The following SIAE variants were observed in gnomAD, a reference collection of about 807,000 sequenced individuals.
SIAE encodes sialate O-acetylesterase.
In SIAE, 39 loss-of-function variants were observed where a neutral mutation model predicts 52.6. That is an observed-to-expected ratio of 0.74 (90% CI 0.57 to 0.97). The LOEUF (loss-of-function observed/expected upper bound fraction) is 0.97, where lower values mean the gene tolerates loss of function less well. Among genes scored for constraint, SIAE ranks in the 50% least tolerant of loss-of-function variants. The pLI is 0.00. For missense variants in SIAE, 592 were observed against 662.1 expected, an observed-to-expected ratio of 0.89 and a Z score of 1.16; for synonymous variants, 233 against 241.4, an observed-to-expected ratio of 0.97 and a Z score of 0.32.
At position 124,647,589 on chromosome 11, in the gene SIAE, AG is replaced by A. The variant is rs879827189; in HGVS notation, c.833-92del. 16 of 1,491,652 alleles carry A rather than the reference AG, an allele frequency of 1.1e-5. No individual in the cohort carries two copies. The Admixed American group carries it at 2.4e-4, about 22-fold the overall frequency. 92.4% of individuals were successfully genotyped at this position (1,491,652 alleles called of 1,614,324 possible). ...CCTCCCTCCATCCATGCCCTGAGGT[AG>A]TGGTCTTCCCACGGTCTCTCTGGAC... On this transcript the variant is annotated intron_variant, in intron 6 of 9. Transcript: ENST00000263593.
chr11:124,638,811 T>G, intron 8 of SIAE, 74 bp from the exon 9 acceptor site: 1 of 1,164,512 alleles, frequency 8.6e-7, no homozygotes, highest in Non-Finnish European at 1.3e-6. Flanking sequence ...AAAGGGGGAT[T>G]ATACAAAGCA....
intron 4 of SIAE, among the ~76,000 whole-genome samples, chr11:124,652,197 C>T (rs1372651315): frequency 6.6e-6 from 1 of 152,032 alleles, no homozygotes; most frequent in Non-Finnish European, 1.5e-5. Flanking sequence ...AAATAACAGA[C>T]CCCAAAGACG....
chr11:124,654,737 G>C lies in SIAE; in HGVS notation c.462C>G (p.Ile154Met). 6.2e-7 allele frequency: 1 copy of C among 1,614,090 alleles called. No individual in the cohort carries two copies. The highest frequency in any genetic ancestry group is 2.2e-5 in the East Asian group (1 of 44,872). ...CTGCTTGAATGGGAGAGACAGAGAGGATGCGGACAGACTGATATGCCGCAG... is the reference window on the plus strand; with the variant it reads ...CTGCTTGAATGGGAGAGACAGAGAGCATGCGGACAGACTGATATGCCGCAG... Reference protein sequence around the residue: ...SNTAAYQSVRILSVSPIQAEQ... With the variant: ...SNTAAYQSVRMLSVSPIQAEQ... Residue 154 changes from isoleucine (I) to methionine (M), a missense_variant, in exon 4 of 10, where the codon ATC (isoleucine) becomes ATG (methionine). Physicochemically the swap from Ile to Met is conservative, Grantham distance 10. Transcript: ENST00000263593.
intron 6 of SIAE, 27 bp from the exon 7 acceptor site, chr11:124,647,525 A>G (rs766782225): frequency 2.5e-6 from 4 of 1,613,632 alleles, no homozygotes; most frequent in Middle Eastern, 1.6e-4. Context: ...TTGTAAAGGG[A>G]GTTTGGAGTA....
At chr11:124,649,003 C>T (rs1347695844) in intron 5 of SIAE, among the ~76,000 whole-genome samples, 1 of 152,190 alleles carries the variant, frequency 6.6e-6, no homozygotes, top group Non-Finnish European at 1.5e-5. Context: ...ATGTTAGTAT[C>T]GGGATTTGTA....
chr11:124,675,532 T>C (rs1943451459), upstream of SIAE: 4 of 1,135,374 alleles, frequency 3.5e-6, no homozygotes, highest in Non-Finnish European at 4.9e-6. Context: ...AGGCAGGGAG[T>C]TTCAGATAAC....
At position 124,636,654 on chromosome 11, in the gene SIAE, G is replaced by C. The variant is rs1185926748; in HGVS notation, c.*297C>G. The C allele has an allele frequency of 2.4e-6, 1 of 422,492 alleles. No individual in the cohort carries two copies. The highest frequency in any genetic ancestry group is 4.4e-6 in the Non-Finnish European group (1 of 227,468). 26.2% of individuals were successfully genotyped at this position (422,492 alleles called of 1,614,324 possible). On this transcript the variant is annotated 3_prime_UTR_variant, in exon 10 of 10. Coordinates refer to ENST00000263593, the MANE Select transcript of SIAE (RefSeq NM_170601.5). ...TGGATAAAAAGGGGCAAAAGTATTA[G>C]ACATTTCACTCCCATTAATATGAGG...
intron 2 of SIAE, among the ~76,000 whole-genome samples, chr11:124,666,544 G>C (rs1036295832): frequency 1.3e-5 from 2 of 152,014 alleles, no homozygotes; most frequent in African/African-American, 4.8e-5. Flanking sequence ...CTAATAAATA[G>C]GTCCCCACCA....
chr11:124,637,236 G>A (rs1378710076), intron 9 of SIAE, 34 bp from the exon 10 acceptor site: 1 of 1,613,756 alleles, frequency 6.2e-7, no homozygotes, highest in South Asian at 1.1e-5. Context: ...GAATGATTAG[G>A]TCAGAAGGGT....
intron 2 of SIAE, among the ~76,000 whole-genome samples, chr11:124,668,634 G>A (rs552680537): frequency 3.9e-5 from 6 of 152,288 alleles, no homozygotes; most frequent in South Asian, 4.1e-4. Context: ...GTATCATGAC[G>A]ATCTCCATTT....
In SIAE at chr11:124,633,652, A is replaced by G. The variant is rs1271105369; in HGVS notation, c.*3299T>C. 6.6e-6 allele frequency: 1 copy of G among 152,254 alleles called. No individual in the cohort carries two copies. Among genetic ancestry groups the G allele is most frequent in the Non-Finnish European group, 1.5e-5 (1 of 68,042 alleles). The allele number at this position is 152,254 out of a possible 1,614,324, so 9.4% of individuals were successfully genotyped here. On this transcript the variant is annotated 3_prime_UTR_variant, in exon 10 of 10. Coordinates refer to ENST00000263593, the MANE Select transcript of SIAE (RefSeq NM_170601.5). ...TAACTGGTATTTTATGATTTTGAGT[A>G]TAGTCTTTTTATAAGTTGTATACAC...
chr11:124,668,388 C>T (rs1943301412), intron 2 of SIAE, among the ~76,000 whole-genome samples: 1 of 152,228 alleles, frequency 6.6e-6, no homozygotes, highest in Admixed American at 6.5e-5. Flanking sequence ...TCCTGTCTAA[C>T]CTGCATGCCT....
chr11:124,673,436 G>A (rs1291016573), intron 1 of SIAE, among the ~76,000 whole-genome samples: 1 of 152,208 alleles, frequency 6.6e-6, no homozygotes, highest in African/African-American at 2.4e-5. Flanking sequence ...ATGGTAAGTG[G>A]GGGGTGGAGA....
chr11:124,675,633 A>T, upstream of SIAE: 1 of 464,484 alleles, frequency 2.2e-6, no homozygotes, highest in Non-Finnish European at 3.8e-6. Flanking sequence ...CATTATTCAG[A>T]CCGTCTTCAT....
chr11:124,648,011 G>T, intron 6 of SIAE, 55 bp downstream of exon 6: 2 of 1,328,706 alleles, frequency 1.5e-6, no homozygotes, highest in South Asian at 1.2e-5. Context: ...AGGGTGCTGT[G>T]TTATACAGCA....
intron 8 of SIAE, among the ~76,000 whole-genome samples, 165 bp from the exon 9 acceptor site, chr11:124,638,902 C>T (rs1942798231): frequency 6.6e-6 from 1 of 151,978 alleles, no homozygotes; most frequent in African/African-American, 2.4e-5. Context: ...TGAATGGTAA[C>T]CATAGATGGG....
intron 1 of SIAE, 102 bp from the exon 2 acceptor site, chr11:124,669,623 A>G (rs1591397509): frequency 9.3e-7 from 1 of 1,072,464 alleles, no homozygotes; most frequent in East Asian, 2.5e-5. Context: ...ATGCAAGAGA[A>G]TTTTAACATA....
intron 5 of SIAE, among the ~76,000 whole-genome samples, chr11:124,649,159 T>C (rs1007098562): frequency 4.6e-5 from 7 of 152,296 alleles, no homozygotes; most frequent in South Asian, 4.1e-4. Context: ...TTCTAGGCAA[T>C]ACAGCACAAT....
chr11:124,643,148 A>C (rs1942875434), intron 7 of SIAE, among the ~76,000 whole-genome samples: 1 of 152,260 alleles, frequency 6.6e-6, no homozygotes, highest in Non-Finnish European at 1.5e-5. Flanking sequence ...TAGAAAACTA[A>C]AACAGCAGGA....
Sources: allele counts gnomAD v4.1 joint callset (sites outside exome capture counted in the v4.1 genomes callset), GRCh38; gene constraint gnomAD v4.1.1; transcripts MANE v1.5; gene names NCBI Gene and HGNC (gene_info 2026-07-23, HGNC 2026-07-21).